The following LARGE1 variants were observed in gnomAD, a reference collection of about 807,000 sequenced individuals.
LARGE1 encodes xylosyl- and glucuronyltransferase LARGE1.
LARGE1 carries 43 observed loss-of-function variants against 87.6 expected under a neutral mutation model. The ratio of observed to expected loss-of-function variants is 0.49; its 90% CI spans 0.38 to 0.63. The LOEUF is 0.63. LARGE1 is among the 30% of genes least tolerant of loss of function. The pLI is 0.00. For synonymous variants in LARGE1, 434 were observed against 394.6 expected (o/e 1.10, Z -1.18); for missense variants, 802 against 1,000.2 (o/e 0.80, Z 2.67).
intron 2 of LARGE1, among the ~76,000 whole-genome samples, chr22:33,708,013 C>T (rs976134087): frequency 2.0e-5 from 3 of 152,146 alleles, no homozygotes; most frequent in Non-Finnish European, 2.9e-5. Context: ...GAGGATGACA[C>T]TTGACCAGGC....
At chr22:33,333,216 C>CA (rs1242861991) in intron 10 of LARGE1, among the ~76,000 whole-genome samples, 1 of 152,092 alleles carries the variant, frequency 6.6e-6, no homozygotes, top group Non-Finnish European at 1.5e-5. Context: ...GACAGGGTTT[C>CA]ACCGTGTTAG....
In LARGE1 at chr22:33,462,555, G is replaced by C. The variant is rs1234179147; in HGVS notation, c.788-30290C>G. The stretch of plus-strand genomic sequence containing the variant: ...CCCAGCACTTAGGGAGGCCGAGGTG[G>C]GTGGATCACGAGGTCAGGAGTTTGA... On this transcript the variant is annotated intron_variant, in intron 6 of 14. Coordinates refer to ENST00000397394, the MANE Select transcript of LARGE1 (RefSeq NM_133642.5). Among the ~76,000 whole-genome samples the C allele has an allele frequency of 4.6e-5, 7 of 152,284 alleles. No individual in the cohort carries two copies. In the East Asian group the frequency reaches 1.4e-3, roughly 29 times the overall value.
chr22:33,861,897 T>G lies in LARGE1; in HGVS notation c.-83+58098A>C, dbSNP rs1005063134. Among the ~76,000 whole-genome samples, 2 of 133,430 alleles carry G rather than the reference T, an allele frequency of 1.5e-5. 1 individual carries two copies. Among genetic ancestry groups the G allele is most frequent in the South Asian group, 4.9e-4 (2 of 4,110 alleles). The allele number at this position is 133,430 out of a possible 152,430, so 87.5% of individuals were successfully genotyped here. On this transcript the variant is annotated intron_variant, in intron 1 of 14. Coordinates refer to ENST00000397394, the MANE Select transcript of LARGE1 (RefSeq NM_133642.5). ...TTTTTTTTTTGAGACAAGGTCTCAC[T>G]CTGTCACCCAGGCTGGAGTGGCATG... is the stretch of plus-strand genomic sequence containing the variant.
intron 11 of LARGE1, among the ~76,000 whole-genome samples, chr22:33,244,285 G>A (rs897787708): frequency 4.6e-5 from 7 of 151,954 alleles, no homozygotes; most frequent in Non-Finnish European, 1.0e-4. Context: ...ATGAGCCACC[G>A]CGCCCGGCCT....
At chr22:33,405,268 G>A (rs2066057651) in intron 7 of LARGE1, among the ~76,000 whole-genome samples, 1 of 152,174 alleles carries the variant, frequency 6.6e-6, no homozygotes, top group South Asian at 2.1e-4. Context: ...CATGGCCCAG[G>A]AAGCTCTAGC....
chr22:33,220,723 AGAG>A (rs1260901422), intron 11 of LARGE1, among the ~76,000 whole-genome samples: 4 of 152,224 alleles, frequency 2.6e-5, no homozygotes, highest in African/African-American at 9.6e-5. Flanking sequence ...TGTGTTCAAC[AGAG>A]GATGCAGCAC....
intron 12 of LARGE1, among the ~76,000 whole-genome samples, chr22:33,283,782 A>C (rs1039541623): frequency 6.6e-6 from 1 of 151,314 alleles, no homozygotes; most frequent in Non-Finnish European, 1.5e-5. Flanking sequence ...GTCAAAAAAA[A>C]GGTGGGGGGA....
intron 6 of LARGE1, among the ~76,000 whole-genome samples, chr22:33,512,333 T>C (rs2071093935): frequency 1.3e-5 from 2 of 152,190 alleles, no homozygotes; most frequent in South Asian, 2.1e-4. Flanking sequence ...AATAGGAGAA[T>C]GTCTTTTAAA....
At chr22:33,224,158 C>T (rs567630580) in intron 11 of LARGE1, among the ~76,000 whole-genome samples, 17 of 152,078 alleles carry the variant, frequency 1.1e-4, no homozygotes, top group Non-Finnish European at 2.2e-4. Flanking sequence ...TCCAGCTACT[C>T]GGGAGGCTGA....
chr22:33,741,435 T>G (rs906436021), intron 2 of LARGE1, among the ~76,000 whole-genome samples: 2 of 152,200 alleles, frequency 1.3e-5, no homozygotes, highest in Non-Finnish European at 2.9e-5. Context: ...AATATAAATA[T>G]CTATAGAAAG....
chr22:33,277,332 A>T (rs758643047), intron 13 of LARGE1, 77 bp from the exon 14 acceptor site: 26 of 1,383,760 alleles, frequency 1.9e-5, no homozygotes, highest in Non-Finnish European at 2.6e-5. Context: ...GTGGAGGAAG[A>T]AGGGGTGTAC....
intron 1 of LARGE1, among the ~76,000 whole-genome samples, chr22:33,826,370 T>G (rs140405215): frequency 0.011 from 1,511 of 142,492 alleles, 35 homozygotes; most frequent in African/African-American, 0.04. Flanking sequence ...TAAGATGGAG[T>G]CTCGCTCTGT....
intron 4 of LARGE1, among the ~76,000 whole-genome samples, chr22:33,605,353 C>T (rs745770362): frequency 1.6e-4 from 24 of 152,044 alleles, no homozygotes; most frequent in Non-Finnish European, 2.9e-4. Context: ...AGGCAGCACC[C>T]GAAATACCAA....
intron 11 of LARGE1, among the ~76,000 whole-genome samples, chr22:33,209,499 C>CA (rs1437899203): frequency 1.3e-5 from 2 of 152,136 alleles, no homozygotes; most frequent in Admixed American, 6.5e-5. Flanking sequence ...ACCCCTGCTC[C>CA]AAAAAATCCA....
intron 1 of LARGE1, among the ~76,000 whole-genome samples, chr22:33,786,662 C>T (rs1304920760): frequency 5.9e-5 from 9 of 152,208 alleles, no homozygotes; most frequent in Non-Finnish European, 1.0e-4. Flanking sequence ...CAGCTTAATT[C>T]TCACATCCTT....
intron 10 of LARGE1, 138 bp downstream of exon 10, chr22:33,337,508 G>A (rs935275537): frequency 3.1e-6 from 3 of 956,340 alleles, no homozygotes; most frequent in Non-Finnish European, 4.8e-6. Context: ...CCGACTAGAT[G>A]GTGGACCCTG....
chr22:33,821,187 G>C (rs917200519), intron 1 of LARGE1, among the ~76,000 whole-genome samples: 10 of 152,144 alleles, frequency 6.6e-5, no homozygotes, highest in African/African-American at 2.4e-4. Context: ...AGGGCATTAG[G>C]AGAATCCCAG....
intron 2 of LARGE1, among the ~76,000 whole-genome samples, chr22:33,698,249 T>C (rs888198788): frequency 4.0e-5 from 6 of 148,680 alleles, no homozygotes; most frequent in Non-Finnish European, 7.4e-5. Context: ...ATTTTTGTAT[T>C]TTTTTGTAGA....
At chr22:33,668,048 G>A (rs1293711761) in intron 2 of LARGE1, among the ~76,000 whole-genome samples, 1 of 152,044 alleles carries the variant, frequency 6.6e-6, no homozygotes, top group Non-Finnish European at 1.5e-5. Flanking sequence ...CTCTTCTTAA[G>A]GCAATTTGCT....
Sources: allele counts gnomAD v4.1 joint callset (sites outside exome capture counted in the v4.1 genomes callset), GRCh38; gene constraint gnomAD v4.1.1; transcripts MANE v1.5; gene names NCBI Gene and HGNC (gene_info 2026-07-23, HGNC 2026-07-21).